RETREG3: variants seen among roughly 807,000 people sequenced by gnomAD.
The protein encoded by RETREG3 is reticulophagy regulator family member 3.
In RETREG3, 23 loss-of-function variants were observed where a neutral mutation model predicts 50.2. That is an observed-to-expected ratio of 0.46 (90% confidence interval 0.33 to 0.65). The LOEUF is 0.65. RETREG3 is among the 30% of genes least tolerant of loss of function. RETREG3 has a pLI of 0.02. For missense variants in RETREG3, 546 were observed against 598.0 expected (o/e 0.91, Z 0.91); for synonymous variants, 240 against 234.4 (o/e 1.02, Z -0.22).
In RETREG3 at chr17:42,585,241, G is replaced by A. The variant is rs1430548811; in HGVS notation, c.611C>T (p.Pro204Leu). 1.2e-6 allele frequency: 2 copies of A among 1,613,812 alleles called. No individual in the cohort carries two copies. Among genetic ancestry groups the A allele is most frequent in the East Asian group, 2.2e-5 (1 of 44,896 alleles). Reference sequence around the variant, plus strand: ...CCACAGTCGGTGGTACACAGCAAGGGGCCACATCATGACAGTGACAACTGT... The same window carrying A: ...CCACAGTCGGTGGTACACAGCAAGGAGCCACATCATGACAGTGACAACTGT... ...YLMLVTVMMW[P>L]LAVYHRLWDR... The change falls in exon 6 of 9, where the codon CCC becomes CTC. Residue 204 changes from proline to leucine, a missense_variant. Pro to Leu is a moderately conservative substitution (Grantham distance 98). Coordinates refer to ENST00000309428, the MANE Select transcript of RETREG3 (RefSeq NM_178126.4).
chr17:42,586,956 A>G, intron 3 of RETREG3, 65 bp from the exon 4 acceptor site: 1 of 1,592,208 alleles, frequency 6.3e-7, no homozygotes, highest in Non-Finnish European at 8.6e-7. Flanking sequence ...CTTGCTGTGC[A>G]GGCAGCCAGT....
At chr17:42,599,842 A>C (rs1404561071) in intron 1 of RETREG3, among the ~76,000 whole-genome samples, 9 of 151,900 alleles carry the variant, frequency 5.9e-5, no homozygotes, top group African/African-American at 2.2e-4. Flanking sequence ...AAAATACAAA[A>C]AATTAGCTGG....
chr17:42,609,015 C>T (rs73983735), intron 1 of RETREG3, 71 bp downstream of exon 1: 20 of 1,454,682 alleles, frequency 1.4e-5, no homozygotes, highest in East Asian at 9.2e-5. Context: ...ACAGGGCAGG[C>T]GAGAAGTAGA....
intron 1 of RETREG3, among the ~76,000 whole-genome samples, chr17:42,598,065 T>C (rs2093151499): frequency 7.1e-6 from 1 of 140,486 alleles, no homozygotes; most frequent in South Asian, 2.4e-4. Flanking sequence ...CACTGCAAGC[T>C]CCATCTCTCG....
chr17:42,598,746 G>C (rs1597740859), intron 1 of RETREG3: 2 of 152,080 alleles, frequency 1.3e-5, no homozygotes, highest in African/African-American at 4.8e-5. Context: ...GAATTTACTT[G>C]AGAGTAAAGT....
At chr17:42,609,404 C>T (rs953173281), upstream of RETREG3, 2 of 1,457,114 alleles carry the variant, frequency 1.4e-6, no homozygotes, top group African/African-American at 1.4e-5. Context: ...CGCGATTCGG[C>T]GGGGGAGGTG....
intron 1 of RETREG3, among the ~76,000 whole-genome samples, chr17:42,597,541 A>ATG (rs2093148165): frequency 1.9e-5 from 2 of 105,684 alleles, no homozygotes; most frequent in Non-Finnish European, 1.9e-5. Flanking sequence ...ATATATATAT[A>ATG]TTTCGTATAT....
chr17:42,586,221 C>A, intron 4 of RETREG3, 84 bp from the exon 5 acceptor site: 2 of 1,263,452 alleles, frequency 1.6e-6, no homozygotes, highest in Non-Finnish European at 1.2e-6. Flanking sequence ...AGAGATATGA[C>A]AGAAAGACTC....
chr17:42,609,405 G>T (rs1236300697), upstream of RETREG3: 6 of 1,447,806 alleles, frequency 4.1e-6, no homozygotes, highest in African/African-American at 1.4e-5. Flanking sequence ...GCGATTCGGC[G>T]GGGGAGGTGG....
At chr17:42,591,080 C>G (rs918324589) in intron 2 of RETREG3, among the ~76,000 whole-genome samples, 3 of 152,238 alleles carry the variant, frequency 2.0e-5, no homozygotes, top group Non-Finnish European at 4.4e-5. Flanking sequence ...GATCAATTCT[C>G]TGATGTCAGG....
intron 2 of RETREG3, among the ~76,000 whole-genome samples, chr17:42,591,348 T>C (rs1292701648): frequency 1.3e-5 from 2 of 152,014 alleles, no homozygotes; most frequent in Non-Finnish European, 2.9e-5. Flanking sequence ...CTTTCTTTTT[T>C]TTTTTTTTTG....
At chr17:42,604,331 C>T (rs1169023770) in intron 1 of RETREG3, among the ~76,000 whole-genome samples, 1 of 152,040 alleles carries the variant, frequency 6.6e-6, no homozygotes, top group African/African-American at 2.4e-5. Context: ...TGCTCCAAAA[C>T]AATATTCCTA....
chr17:42,580,978 G>C lies in RETREG3; in HGVS notation c.*835C>G, dbSNP rs1350777957. 2.7e-5 allele frequency: 4 copies of C among 148,538 alleles called. No homozygotes were observed. The highest frequency in any genetic ancestry group is 9.9e-5 in the African/African-American group (4 of 40,272). The allele number at this position is 148,538 out of a possible 1,614,324, so 9.2% of individuals were successfully genotyped here. A position where few individuals can be genotyped will look rare whatever the true frequency, so the allele number is the denominator to read the frequency against. On this transcript the variant is annotated 3_prime_UTR_variant, in exon 9 of 9. Transcript: ENST00000309428. ...TCGCTTGACCCGGCAGGCGGAGGCT[G>C]CAGTGAGCCGAGATTGTGCCACTGC...
chr17:42,586,369 A>G, intron 4 of RETREG3: 1 of 504,792 alleles, frequency 2.0e-6, no homozygotes, highest in East Asian at 3.4e-5. Context: ...CTGCCAAGAA[A>G]TTGGTTTGAA....
chr17:42,606,227 C>T (rs1784144544), intron 1 of RETREG3, among the ~76,000 whole-genome samples: 1 of 152,102 alleles, frequency 6.6e-6, no homozygotes, highest in Non-Finnish European at 1.5e-5. Flanking sequence ...TAAGTAAACA[C>T]TGGTAGAGGC....
rs199929077 is a variant in RETREG3 at position 42,609,370 on chromosome 17, A to G, written c.-46T>C. 49 of 1,559,824 alleles carry G rather than the reference A, an allele frequency of 3.1e-5. No individual in the cohort carries two copies. The highest frequency in any genetic ancestry group is 9.1e-5 in the Admixed American group (5 of 55,028). ...ATCCGGGGCCGTGGCCCGACAAGTC[A>G]CAATAACAGCAACTGCGCAGATGCG... On this transcript the variant is annotated 5_prime_UTR_variant, in exon 1 of 9. Coordinates refer to ENST00000309428, the MANE Select transcript of RETREG3 (RefSeq NM_178126.4).
chr17:42,609,257 C>T lies in RETREG3; in HGVS notation c.68G>A (p.Arg23Gln). The change falls in exon 1 of 9, where the codon CGA (arginine) becomes CAA (glutamine). Residue 23 changes from arginine to glutamine, a missense_variant. By Grantham distance (43) the Arg-to-Gln change is conservative. Transcript: ENST00000309428. ...PASGSTFRGR[R>Q]DVSGSWERDQ... ...CCGCTCCCAGGAGCCTGACACATCT[C>T]GGCGGCCCCTGAAAGTCGACCCCGA... The T allele has an allele frequency of 1.2e-6, 2 of 1,606,692 alleles. No homozygotes were observed. Among genetic ancestry groups the T allele is most frequent in the East Asian group, 2.2e-5 (1 of 44,874 alleles).
chr17:42,597,609 ATATATATATATTTTTTT>A lies in RETREG3; in HGVS notation c.240-5464_240-5448del, dbSNP rs1567925503. ...TATATATATATATATATATATATAT[ATATATATATATTTTTTT>A]TTTTTTTTTTTTTTTTTTTTTGAGA... On this transcript the variant is annotated intron_variant, in intron 1 of 8. Coordinates refer to ENST00000309428, the MANE Select transcript of RETREG3 (RefSeq NM_178126.4). Among the ~76,000 whole-genome samples the A allele has an allele frequency of 1.2e-3, 19 of 16,404 alleles. 1 individual carries two copies. The highest frequency in any genetic ancestry group is 6.6e-3 in the East Asian group (4 of 610). The allele number at this position is 16,404 out of a possible 152,430, so 10.8% of individuals were successfully genotyped here.
intron 3 of RETREG3, among the ~76,000 whole-genome samples, chr17:42,587,448 A>G (rs1365645445): frequency 5.9e-5 from 9 of 152,258 alleles, no homozygotes; most frequent in Non-Finnish European, 1.5e-5. Context: ...CCAGGAACCA[A>G]TGTGTTTTCT....
Sources: gnomAD v4.1 joint callset for allele counts (sites outside exome capture counted in the v4.1 genomes callset) on GRCh38, gnomAD v4.1.1 for gene constraint, MANE v1.5 for transcripts, NCBI Gene and HGNC (gene_info 2026-07-23, HGNC 2026-07-21) for gene names.